EPB41L4A: variants seen among roughly 807,000 people sequenced by gnomAD.
EPB41L4A encodes band 4.1-like protein 4A.
In EPB41L4A, 100 loss-of-function variants were observed where a neutral mutation model predicts 108.6. That is an observed-to-expected ratio of 0.92 (90% confidence interval 0.78 to 1.09). EPB41L4A has a LOEUF of 1.09. Among genes scored for constraint, EPB41L4A ranks in the 50% least tolerant of loss-of-function variants. The pLI, the probability that EPB41L4A is intolerant of heterozygous loss-of-function variation, is 0.00. For missense variants in EPB41L4A, 1,030 were observed against 842.7 expected, an observed-to-expected ratio of 1.22 and a Z score of -2.75; for synonymous variants, 319 against 289.0, an observed-to-expected ratio of 1.10 and a Z score of -1.05.
At chr5:112,370,604 C>T (rs889871874) in intron 1 of EPB41L4A, among the ~76,000 whole-genome samples, 1 of 152,146 alleles carries the variant, frequency 6.6e-6, no homozygotes, top group Non-Finnish European at 1.5e-5. Context: ...TTTCCAGTTA[C>T]AAACCCTCAA....
Position 112,412,997 on chromosome 5 carries a change from A to T in EPB41L4A, c.99+5944T>A, listed in dbSNP as rs116524315. On this transcript the variant is annotated intron_variant, in intron 1 of 22. Coordinates refer to ENST00000261486, the MANE Select transcript of EPB41L4A (RefSeq NM_022140.5). ...AAGAGTAACACACAGGTGATTCAGCAAGATTAAAAATTACAGTGCTGGTTC... is the reference window on the plus strand; with the variant it reads ...AAGAGTAACACACAGGTGATTCAGCTAGATTAAAAATTACAGTGCTGGTTC... Among the ~76,000 whole-genome samples, 1,053 of 152,360 alleles carry T rather than the reference A, an allele frequency of 6.9e-3. 13 individuals are homozygous for T. Among genetic ancestry groups the T allele is most frequent in the African/African-American group, 0.023 (962 of 41,582 alleles).
At chr5:112,362,504 C>T (rs1034087331) in intron 1 of EPB41L4A, among the ~76,000 whole-genome samples, 10 of 152,142 alleles carry the variant, frequency 6.6e-5, no homozygotes, top group Non-Finnish European at 1.3e-4. Flanking sequence ...TGGTCTCAAA[C>T]TCCTGACCTT....
At chr5:112,375,355 A>C (rs932375760) in intron 1 of EPB41L4A, among the ~76,000 whole-genome samples, 16 of 148,916 alleles carry the variant, frequency 1.1e-4, no homozygotes, top group South Asian at 2.1e-4. Flanking sequence ...ACACACACAC[A>C]CCCCTTCCTC....
At chr5:112,292,060 T>A (rs1423963644) in intron 2 of EPB41L4A, among the ~76,000 whole-genome samples, 2 of 152,324 alleles carry the variant, frequency 1.3e-5, no homozygotes, top group South Asian at 2.1e-4. Flanking sequence ...TAGCATATCA[T>A]CTTATTTTCA....
At chr5:112,299,654 T>C (rs1426335290) in intron 2 of EPB41L4A, among the ~76,000 whole-genome samples, 3 of 152,172 alleles carry the variant, frequency 2.0e-5, no homozygotes, top group Admixed American at 6.5e-5. Context: ...AGGAATATTA[T>C]GTAAATATCT....
chr5:112,164,840 A>G lies in EPB41L4A; in HGVS notation c.*150T>C, dbSNP rs1760132783. The G allele has an allele frequency of 4.3e-6, 4 of 929,444 alleles. No homozygotes were observed. In the East Asian group the frequency reaches 8.7e-5, roughly 20 times the overall value. The allele number at this position is 929,444 out of a possible 1,614,324, so 57.6% of individuals were successfully genotyped here. The stretch of plus-strand genomic sequence containing the variant: ...CAGAGTGATAACATCTCAAAAAAAA[A>G]AAAAAAAAGAAGCAAAAGATAATGT... On this transcript the variant is annotated 3_prime_UTR_variant, in exon 23 of 23. Transcript: ENST00000261486.
At chr5:112,366,107 ACTAAGGAG>A (rs1275195608) in intron 1 of EPB41L4A, among the ~76,000 whole-genome samples, 1 of 152,144 alleles carries the variant, frequency 6.6e-6, no homozygotes. Flanking sequence ...CCAGAGACAG[ACTAAGGAG>A]CTAAGGAGCA....
Position 112,168,799 on chromosome 5 carries a change from T to A in EPB41L4A, c.1872A>T (p.Pro624=). 1 of 1,614,062 alleles carries A rather than the reference T, an allele frequency of 6.2e-7. No homozygotes were observed. Among genetic ancestry groups the A allele is most frequent in the Non-Finnish European group, 8.5e-7 (1 of 1,179,914 alleles). The part of the protein sequence containing the change: ...SEVNSKTDLV[P]PLPVTRSSDA... ...CCGAAGAACGGGTCACCGGAAGTGG[T>A]GGTACAAGATCTGTTTTTGAACTGC... The change falls in exon 22 of 23, where the codon CCA becomes CCT. Residue 624 remains proline, a synonymous_variant. Coordinates refer to ENST00000261486, the MANE Select transcript of EPB41L4A (RefSeq NM_022140.5).
chr5:112,414,045 T>C (rs1203405166), intron 1 of EPB41L4A, among the ~76,000 whole-genome samples: 2 of 151,974 alleles, frequency 1.3e-5, no homozygotes, highest in Non-Finnish European at 2.9e-5. Flanking sequence ...ATTTTACAGA[T>C]GGGGAAACTG....
intron 1 of EPB41L4A, among the ~76,000 whole-genome samples, chr5:112,393,268 C>T (rs145607664): frequency 0.013 from 2,003 of 151,862 alleles, 13 homozygotes; most frequent in Middle Eastern, 0.024. Flanking sequence ...GATAGAGACA[C>T]AAAAAAACCA....
chr5:112,231,879 G>T (rs1244820516), intron 12 of EPB41L4A, among the ~76,000 whole-genome samples: 1 of 149,386 alleles, frequency 6.7e-6, no homozygotes, highest in Non-Finnish European at 1.5e-5. Flanking sequence ...AGGTCAAGAT[G>T]TAAGGATTGC....
chr5:112,377,875 C>T (rs1759916886), intron 1 of EPB41L4A, among the ~76,000 whole-genome samples: 1 of 152,080 alleles, frequency 6.6e-6, no homozygotes, highest in Non-Finnish European at 1.5e-5. Flanking sequence ...TGCTAACCCC[C>T]CATCTTTTAC....
At chr5:112,152,019 A>G (rs1759488206) in intron 12 of EPB41L4A, among the ~76,000 whole-genome samples, 1 of 152,222 alleles carries the variant, frequency 6.6e-6, no homozygotes, top group African/African-American at 2.4e-5. Context: ...GGCGTGAGCC[A>G]CCATTCCCAG....
chr5:112,276,013 G>A (rs1015279673), intron 3 of EPB41L4A, among the ~76,000 whole-genome samples: 1 of 151,842 alleles, frequency 6.6e-6, no homozygotes, highest in African/African-American at 2.4e-5. Context: ...TCCTGGAAGA[G>A]TACAAAAAAA....
intron 11 of EPB41L4A, 135 bp from the exon 12 acceptor site, chr5:112,234,890 C>G: frequency 1.1e-6 from 1 of 920,788 alleles, no homozygotes. Flanking sequence ...AATTGATTCT[C>G]ATTGCAATAT....
At chr5:112,354,283 A>G (rs1273520723) in intron 1 of EPB41L4A, among the ~76,000 whole-genome samples, 1 of 152,222 alleles carries the variant, frequency 6.6e-6, no homozygotes, top group Non-Finnish European at 1.5e-5. Flanking sequence ...GGGGAAAACA[A>G]TGGGTATGAC....
At chr5:112,336,133 C>G (rs984331086) in intron 1 of EPB41L4A, among the ~76,000 whole-genome samples, 1 of 152,140 alleles carries the variant, frequency 6.6e-6, no homozygotes, top group Admixed American at 6.5e-5. Flanking sequence ...GAGGGAAACA[C>G]AAGTGAAGGC....
chr5:112,299,717 C>T lies in EPB41L4A; in HGVS notation c.204+7669G>A, dbSNP rs924782125. Among the ~76,000 whole-genome samples the T allele has an allele frequency of 9.2e-5, 14 of 152,320 alleles. No homozygotes were observed. In the East Asian group the frequency reaches 9.6e-4, roughly 10 times the overall value. On this transcript the variant is annotated intron_variant, in intron 2 of 22. Transcript: ENST00000261486. The stretch of plus-strand genomic sequence containing the variant: ...CTTAAATCCATTGTTTCTTTGCTGA[C>T]TTCCTATCTTGATGACCTGTCTAGT...
rs867832222 is a variant in EPB41L4A, at chr5:112,390,123, G to A, written c.99+28818C>T. Among the ~76,000 whole-genome samples, 13 of 152,348 alleles carry A rather than the reference G, an allele frequency of 8.5e-5. No individual in the cohort carries two copies. In the Middle Eastern group the frequency reaches 0.01, roughly 120 times the overall value. The stretch of plus-strand genomic sequence containing the variant: ...AGAGCTCTGGTCTGCAGCTCCCAGC[G>A]TGATCGACACAGAAGACGGGTGACT... On this transcript the variant is annotated intron_variant, in intron 1 of 22. Coordinates refer to ENST00000261486, the MANE Select transcript of EPB41L4A (RefSeq NM_022140.5).
Sources: gnomAD v4.1 joint callset for allele counts (sites outside exome capture counted in the v4.1 genomes callset) on GRCh38, gnomAD v4.1.1 for gene constraint, MANE v1.5 for transcripts, NCBI Gene and HGNC (gene_info 2026-07-23, HGNC 2026-07-21) for gene names.